The following PNLIPRP3 variants were observed in gnomAD, a reference collection of about 807,000 sequenced individuals.
PNLIPRP3 encodes pancreatic lipase-related protein 3.
PNLIPRP3 carries 58 observed loss-of-function variants against 52.8 expected under a neutral mutation model. That is an observed-to-expected ratio of 1.10 (90% CI 0.89 to 1.37). The LOEUF (loss-of-function observed/expected upper bound fraction) is 1.37, where lower values mean the gene tolerates loss of function less well. Among genes scored for constraint, PNLIPRP3 ranks in the 40% most tolerant of loss-of-function variants. PNLIPRP3 has a pLI of 0.00. For missense variants in PNLIPRP3, 593 were observed against 561.6 expected, an observed-to-expected ratio of 1.06 and a Z score of -0.57; for synonymous variants, 192 against 185.0, an observed-to-expected ratio of 1.04 and a Z score of -0.31.
chr10:116,473,528 T>C (rs1200774160), intron 10 of PNLIPRP3, among the ~76,000 whole-genome samples: 1 of 152,194 alleles, frequency 6.6e-6, no homozygotes, highest in Non-Finnish European at 1.5e-5. Context: ...TCTTTCTTTC[T>C]TTCTTTTTTT....
chr10:116,430,938 T>C (rs759079331), intron 1 of PNLIPRP3, among the ~76,000 whole-genome samples: 45 of 152,200 alleles, frequency 3.0e-4, no homozygotes, highest in Non-Finnish European at 5.6e-4. Flanking sequence ...CTTAGGTATC[T>C]AATTCATATA....
chr10:116,436,678 C>T, intron 1 of PNLIPRP3, 33 bp from the exon 2 acceptor site: 1 of 1,563,388 alleles, frequency 6.4e-7, no homozygotes, highest in Non-Finnish European at 8.7e-7. Context: ...AAGCCTGGTT[C>T]CTCTATACTG....
intron 10 of PNLIPRP3, among the ~76,000 whole-genome samples, chr10:116,475,486 G>T (rs1272430999): frequency 2.6e-5 from 4 of 152,124 alleles, no homozygotes; most frequent in African/African-American, 9.7e-5. Context: ...TGACATAAAG[G>T]GCTGCAATGT....
intron 5 of PNLIPRP3, among the ~76,000 whole-genome samples, chr10:116,457,776 T>C (rs187053613): frequency 6.6e-6 from 1 of 152,226 alleles, no homozygotes; most frequent in Non-Finnish European, 1.5e-5. Context: ...TGGGTTATGA[T>C]CAATTCAAAG....
rs767859902 is a variant in PNLIPRP3 at position 116,466,054 on chromosome 10, G to C, written c.813G>C (p.Met271Ile). Reference sequence around the variant, plus strand: ...AATTGGGAATTGTTTTCACAGAAATGGCTTCCTTCTTTGACTGTAACCATG... The same window carrying C: ...AATTGGGAATTGTTTTCACAGAAATCGCTTCCTTCTTTGACTGTAACCATG... ...KFNFNAYKKE[M>I]ASFFDCNHAR... The change falls in exon 8 of 12, where the codon ATG becomes ATC. Residue 271 changes from methionine (M) to isoleucine (I), a missense_variant. Coordinates refer to ENST00000369230, the MANE Select transcript of PNLIPRP3 (RefSeq NM_001011709.3). The C allele has an allele frequency of 6.2e-7, 1 of 1,608,892 alleles. No homozygotes were observed. Among genetic ancestry groups the C allele is most frequent in the Non-Finnish European group, 8.5e-7 (1 of 1,175,698 alleles).
intron 1 of PNLIPRP3, among the ~76,000 whole-genome samples, chr10:116,428,460 A>C (rs1372611811): frequency 6.6e-6 from 1 of 152,166 alleles, no homozygotes; most frequent in African/African-American, 2.4e-5. Context: ...AAATGAGAAA[A>C]TATATACAAA....
intron 5 of PNLIPRP3, among the ~76,000 whole-genome samples, chr10:116,457,363 C>T (rs1253813782): frequency 8.1e-6 from 1 of 122,968 alleles, no homozygotes; most frequent in East Asian, 7.9e-4. Flanking sequence ...TACGTGCTCG[C>T]TCTCTCTCTC....
At chr10:116,457,374 A>T (rs74530346) in intron 5 of PNLIPRP3, among the ~76,000 whole-genome samples, 1,831 of 143,238 alleles carry the variant, frequency 0.013, 42 homozygotes, top group African/African-American at 0.046. Flanking sequence ...TCTCTCTCTC[A>T]CACACACACA....
intron 3 of PNLIPRP3, 106 bp downstream of exon 3, chr10:116,443,280 G>C: frequency 2.5e-6 from 3 of 1,205,848 alleles, no homozygotes; most frequent in Non-Finnish European, 3.3e-6. Flanking sequence ...CTTCCATTCA[G>C]TTATCCACAA....
intron 7 of PNLIPRP3, among the ~76,000 whole-genome samples, chr10:116,462,224 G>T (rs1412445149): frequency 1.3e-5 from 2 of 151,562 alleles, no homozygotes; most frequent in South Asian, 2.1e-4. Context: ...AAGTTAAAAG[G>T]CACCGAAAGG....
At chr10:116,467,223 T>A (rs1348664308) in intron 8 of PNLIPRP3, among the ~76,000 whole-genome samples, 1 of 152,188 alleles carries the variant, frequency 6.6e-6, no homozygotes, top group Admixed American at 6.5e-5. Flanking sequence ...TGTACCCTAA[T>A]AGTCATACAA....
intron 9 of PNLIPRP3, 55 bp from the exon 10 acceptor site, chr10:116,471,713 T>TC: frequency 1.5e-6 from 2 of 1,332,796 alleles, no homozygotes; most frequent in Non-Finnish European, 2.2e-6. Context: ...AAGTCATACT[T>TC]CCCATGTGTT....
chr10:116,447,613 G>A (rs1207172234), intron 4 of PNLIPRP3, among the ~76,000 whole-genome samples: 2 of 152,060 alleles, frequency 1.3e-5, no homozygotes, highest in South Asian at 4.1e-4. Flanking sequence ...AATATAAAAA[G>A]TACCAAACAA....
chr10:116,433,145 A>AAAAAAAAAT, intron 1 of PNLIPRP3, among the ~76,000 whole-genome samples: 1 of 148,788 alleles, frequency 6.7e-6, no homozygotes, highest in Non-Finnish European at 1.5e-5. Flanking sequence ...AAAAAAAAAA[A>AAAAAAAAAT]AGTCTTGGAG....
intron 7 of PNLIPRP3, among the ~76,000 whole-genome samples, chr10:116,462,777 A>G (rs1430480345): frequency 6.6e-6 from 1 of 152,206 alleles, no homozygotes. Flanking sequence ...TACATAATTA[A>G]TTGTTATACA....
Position 116,461,007 on chromosome 10 carries a change from G to T in PNLIPRP3, c.607G>T (p.Glu203Ter), listed in dbSNP as rs1040702560. The part of the protein sequence containing the change: ...AGPFFHNTPK[E>*]VRLDPSDANF... ...GCCATTTTTCCACAACACTCCAAAG[G>T]AAGTCAGGCTAGACCCCTCGGATGC... The change falls in exon 6 of 12, where the codon GAA (glutamate) becomes TAA (stop). Residue 203 changes from glutamate (E) to a stop codon, truncating the protein, a stop_gained. Coordinates refer to ENST00000369230, the MANE Select transcript of PNLIPRP3 (RefSeq NM_001011709.3). LOFTEE classifies it high-confidence loss of function. 6.2e-7 allele frequency: 1 copy of T among 1,613,200 alleles called. No homozygotes were observed. The highest frequency in any genetic ancestry group is 8.5e-7 in the Non-Finnish European group (1 of 1,180,012).
intron 5 of PNLIPRP3, among the ~76,000 whole-genome samples, chr10:116,460,702 ATACAG>A (rs1221252385): frequency 6.6e-6 from 1 of 152,214 alleles, no homozygotes; most frequent in African/African-American, 2.4e-5. Flanking sequence ...GGTATTCCAT[ATACAG>A]ACCCTAGAAT....
chr10:116,468,427 A>G, intron 8 of PNLIPRP3, among the ~76,000 whole-genome samples: 1 of 152,216 alleles, frequency 6.6e-6, no homozygotes, highest in East Asian at 1.9e-4. Context: ...TCATAAATGA[A>G]ACACAAAAAC....
chr10:116,460,568 G>A (rs1846176778), intron 5 of PNLIPRP3, among the ~76,000 whole-genome samples: 1 of 152,138 alleles, frequency 6.6e-6, no homozygotes, highest in Admixed American at 6.5e-5. Context: ...TATTTTAATT[G>A]TGTTGCTTTG....
Sources: allele counts gnomAD v4.1 joint callset (sites outside exome capture counted in the v4.1 genomes callset), GRCh38; gene constraint gnomAD v4.1.1; transcripts MANE v1.5; gene names NCBI Gene and HGNC (gene_info 2026-07-23, HGNC 2026-07-21).